Variants in KCNIP4 observed in about 807,000 individuals in gnomAD.
KCNIP4 encodes the protein potassium voltage-gated channel interacting protein 4.
In KCNIP4, 12 loss-of-function variants were observed where a neutral mutation model predicts 34.0. The ratio of observed to expected loss-of-function variants is 0.35; its 90% CI spans 0.23 to 0.57. KCNIP4 has a LOEUF of 0.57. KCNIP4 is among the 20% of genes least tolerant of loss of function. The pLI is 0.83. For synonymous variants in KCNIP4, 124 were observed against 102.2 expected (o/e 1.21, Z -1.29); for missense variants, 238 against 311.7 (o/e 0.76, Z 1.78).
At chr4:20,802,090 A>G (rs937663666) in intron 3 of KCNIP4, among the ~76,000 whole-genome samples, 3 of 134,204 alleles carry the variant, frequency 2.2e-5, no homozygotes, top group Non-Finnish European at 1.6e-5. Context: ...AAAATTGCAT[A>G]TACATATTGC....
chr4:21,826,719 A>G lies in KCNIP4; in HGVS notation c.61+121852T>C, dbSNP rs1311141154. Among the ~76,000 whole-genome samples, 5 of 152,154 alleles carry G rather than the reference A, an allele frequency of 3.3e-5. No individual in the cohort carries two copies. The East Asian group carries it at 7.7e-4, about 23-fold the overall frequency. ...ACTCTCCTAAAACCCAAATAATAGT[A>G]AGTTGGAGAAAAATCTGTGCTATAC... On this transcript the variant is annotated intron_variant, in intron 1 of 8. Transcript: ENST00000382152.
intron 1 of KCNIP4, among the ~76,000 whole-genome samples, chr4:21,589,219 C>CATATAT (rs1560540385): frequency 3.4e-4 from 36 of 106,356 alleles, no homozygotes; most frequent in Non-Finnish European, 5.7e-4. Flanking sequence ...TATATAAGTA[C>CATATAT]ACATGTATCT....
chr4:21,519,715 TATATACACACGTGTGTATATGTATG>T (rs1463835865), intron 1 of KCNIP4, among the ~76,000 whole-genome samples: 107 of 118,540 alleles, frequency 9.0e-4, no homozygotes, highest in East Asian at 2.1e-3. Context: ...TGTATGTGTA[TATATACACACGTGTGTATATGTATG>T]ATACACACGT....
chr4:21,388,492 A>G (rs570767416), intron 1 of KCNIP4, among the ~76,000 whole-genome samples: 1 of 152,126 alleles, frequency 6.6e-6, no homozygotes, highest in East Asian at 1.9e-4. Context: ...TCTTTTTATA[A>G]CAGTTTTATT....
intron 1 of KCNIP4, among the ~76,000 whole-genome samples, chr4:20,960,262 G>T (rs554555397): frequency 5.9e-5 from 9 of 152,220 alleles, no homozygotes; most frequent in African/African-American, 1.9e-4. Context: ...GGAGTCAAAA[G>T]TATTTGTAAG....
chr4:21,220,993 C>A (rs181486860), intron 1 of KCNIP4, among the ~76,000 whole-genome samples: 1 of 152,070 alleles, frequency 6.6e-6, no homozygotes, highest in South Asian at 2.1e-4. Flanking sequence ...TAGGTTGGAA[C>A]CAGCAATAAA....
chr4:21,249,231 T>A (rs1319217578), intron 1 of KCNIP4, among the ~76,000 whole-genome samples: 1 of 152,040 alleles, frequency 6.6e-6, no homozygotes, highest in Non-Finnish European at 1.5e-5. Flanking sequence ...CATGCATGCA[T>A]ACATACATAC....
At chr4:20,931,920 C>CTAATATTGTAGACTATAATAGTCTATAAG (rs1560579727) in intron 1 of KCNIP4, among the ~76,000 whole-genome samples, 41 of 38,076 alleles carry the variant, frequency 1.1e-3, no homozygotes, top group East Asian at 3.6e-3. Context: ...TAGTCTATAA[C>CTAATATTGTAGACTATAATAGTCTATAAG]AGTCTAATAT....
chr4:21,776,517 C>A (rs2109202548), intron 1 of KCNIP4, among the ~76,000 whole-genome samples: 1 of 152,112 alleles, frequency 6.6e-6, no homozygotes, highest in South Asian at 2.1e-4. Context: ...ACACTGCAAC[C>A]CACAGAAAAT....
At chr4:21,238,047 C>T (rs1311738257) in intron 1 of KCNIP4, among the ~76,000 whole-genome samples, 5 of 152,166 alleles carry the variant, frequency 3.3e-5, no homozygotes, top group Non-Finnish European at 1.5e-5. Context: ...AAGTGGGCTT[C>T]ATCCCTGGGA....
chr4:20,993,874 G>A (rs1737305276), intron 1 of KCNIP4, among the ~76,000 whole-genome samples: 1 of 152,170 alleles, frequency 6.6e-6, no homozygotes, highest in Admixed American at 6.5e-5. Context: ...TCCTATTGGA[G>A]GATCTAGGAG....
intron 1 of KCNIP4, among the ~76,000 whole-genome samples, chr4:21,297,322 A>AGAGGTGAAAAAATT (rs1385966704): frequency 6.6e-6 from 1 of 152,060 alleles, no homozygotes; most frequent in Admixed American, 6.6e-5. Context: ...GACAAGTCAT[A>AGAGGTGAAAAAATT]GAGGTGAAAA....
At chr4:20,789,040 A>C (rs1251724285) in intron 3 of KCNIP4, among the ~76,000 whole-genome samples, 1 of 152,118 alleles carries the variant, frequency 6.6e-6, no homozygotes, top group African/African-American at 2.4e-5. Context: ...CAATCAAACA[A>C]AAAAACTCCC....
At chr4:21,123,146 G>A (rs1454400530) in intron 1 of KCNIP4, among the ~76,000 whole-genome samples, 3 of 152,032 alleles carry the variant, frequency 2.0e-5, no homozygotes, top group Non-Finnish European at 2.9e-5. Context: ...CCTGGAAGGC[G>A]GAGTTTGCAG....
intron 1 of KCNIP4, among the ~76,000 whole-genome samples, chr4:21,924,064 C>A (rs1401291626): frequency 6.6e-6 from 1 of 151,912 alleles, no homozygotes; most frequent in Non-Finnish European, 1.5e-5. Flanking sequence ...TACACTTAGA[C>A]CAAAAATTAT....
At chr4:21,773,842 T>C (rs1445412417) in intron 1 of KCNIP4, among the ~76,000 whole-genome samples, 2 of 151,936 alleles carry the variant, frequency 1.3e-5, no homozygotes, top group East Asian at 1.9e-4. Context: ...TTTCTGCATG[T>C]AAGATGGGTC....
At chr4:20,827,471 C>T (rs1717899707) in intron 3 of KCNIP4, among the ~76,000 whole-genome samples, 1 of 152,166 alleles carries the variant, frequency 6.6e-6, no homozygotes, top group Admixed American at 6.5e-5. Context: ...GATTAGATCT[C>T]ATCCTAAAGG....
chr4:21,691,885 A>G (rs1711691703), intron 1 of KCNIP4, among the ~76,000 whole-genome samples: 1 of 151,948 alleles, frequency 6.6e-6, no homozygotes, highest in South Asian at 2.1e-4. Flanking sequence ...TCTTTAGTAG[A>G]GATGGGGTTT....
chr4:21,682,656 T>G (rs1750457087), intron 1 of KCNIP4, among the ~76,000 whole-genome samples: 1 of 152,148 alleles, frequency 6.6e-6, no homozygotes, highest in South Asian at 2.1e-4. Flanking sequence ...GATTTAAAAG[T>G]GAGAGATGTG....
Sources: gnomAD v4.1 joint callset for allele counts (sites outside exome capture counted in the v4.1 genomes callset) on GRCh38, gnomAD v4.1.1 for gene constraint, MANE v1.5 for transcripts, NCBI Gene and HGNC (gene_info 2026-07-23, HGNC 2026-07-21) for gene names.